Variants in SPIDR observed in about 807,000 individuals in gnomAD.
SPIDR encodes scaffold protein involved in DNA repair, also known as DNA repair-scaffolding protein.
In SPIDR, 93 loss-of-function variants were observed where a neutral mutation model predicts 104.6. The observed-to-expected ratio is 0.89, with a 90% CI of 0.75 to 1.06. SPIDR has a LOEUF of 1.06. SPIDR is among the 50% of genes least tolerant of loss of function. SPIDR has a pLI of 0.00. For synonymous variants in SPIDR, 431 were observed against 416.9 expected (o/e 1.03, Z -0.41); for missense variants, 1,154 against 1,111.2 (o/e 1.04, Z -0.55).
chr8:47,408,091 A>G, intron 7 of SPIDR, 130 bp downstream of exon 7: 1 of 469,076 alleles, frequency 2.1e-6, no homozygotes, highest in Non-Finnish European at 3.8e-6. Flanking sequence ...CCAACATTCT[A>G]ATTTTAACAT....
At chr8:47,318,887 C>T (rs1342236239) in intron 5 of SPIDR, among the ~76,000 whole-genome samples, 1 of 147,186 alleles carries the variant, frequency 6.8e-6, no homozygotes, top group African/African-American at 2.5e-5. Context: ...TACAGATAAG[C>T]AAATGCTGAG....
At chr8:47,703,393 A>G (rs914020690) in intron 14 of SPIDR, among the ~76,000 whole-genome samples, 1 of 152,248 alleles carries the variant, frequency 6.6e-6, no homozygotes, top group African/African-American at 2.4e-5. Context: ...TCATTAAATC[A>G]GTGTTATCAC....
At chr8:47,349,495 T>C (rs2052972705) in intron 5 of SPIDR, among the ~76,000 whole-genome samples, 1 of 152,194 alleles carries the variant, frequency 6.6e-6, no homozygotes, top group African/African-American at 2.4e-5. Context: ...ACCACTGCTT[T>C]CTTCAAAGCT....
intron 5 of SPIDR, among the ~76,000 whole-genome samples, chr8:47,334,463 G>A (rs1466969672): frequency 2.6e-5 from 4 of 152,132 alleles, no homozygotes; most frequent in Non-Finnish European, 4.4e-5. Flanking sequence ...TACATGTAAA[G>A]GATTGTTGTG....
chr8:47,285,430 T>G lies in SPIDR; in HGVS notation c.256+1336T>G, dbSNP rs992453650. Among the ~76,000 whole-genome samples the G allele has an allele frequency of 5.3e-5, 8 of 152,240 alleles. No individual in the cohort carries two copies. In the South Asian group the frequency reaches 8.3e-4, roughly 16 times the overall value. On this transcript the variant is annotated intron_variant, in intron 3 of 19. Coordinates refer to ENST00000297423, the MANE Select transcript of SPIDR (RefSeq NM_001080394.4). Reference sequence around the variant, plus strand: ...TGTTGGCAGAGACAAGCCTCTGACCTTAGGCACACATTACAAAAGCATGTT... The same window carrying G: ...TGTTGGCAGAGACAAGCCTCTGACCGTAGGCACACATTACAAAAGCATGTT...
chr8:47,437,225 C>G (rs1341205680), intron 7 of SPIDR, among the ~76,000 whole-genome samples: 1 of 149,890 alleles, frequency 6.7e-6, no homozygotes, highest in Non-Finnish European at 1.5e-5. Flanking sequence ...GGTATATTTC[C>G]CAATGCTATC....
At chr8:47,732,233 T>C in intron 19 of SPIDR, 1 of 702,310 alleles carries the variant, frequency 1.4e-6, no homozygotes, top group Non-Finnish European at 2.6e-6. Context: ...TCAACTAGAA[T>C]ATTCCCATAG....
At chr8:47,509,045 C>T (rs1454943794) in intron 8 of SPIDR, among the ~76,000 whole-genome samples, 1 of 152,132 alleles carries the variant, frequency 6.6e-6, no homozygotes, top group African/African-American at 2.4e-5. Context: ...TTGAGGCTGT[C>T]GTGCTGGATC....
In SPIDR at chr8:47,700,499, G is replaced by C; in HGVS notation, c.1773+9G>C. ...ACCAGCCCTGTGAAGAGGTAAGCCCGGCACTGGAAAAACTTCCCCAGTCAC... is the reference window on the plus strand; with the variant it reads ...ACCAGCCCTGTGAAGAGGTAAGCCCCGCACTGGAAAAACTTCCCCAGTCAC... On this transcript the variant is annotated intron_variant, in intron 12 of 19. Transcript: ENST00000297423. 1 of 1,614,116 alleles carries C rather than the reference G, an allele frequency of 6.2e-7. No homozygotes were observed. The highest frequency in any genetic ancestry group is 1.1e-5 in the South Asian group (1 of 91,082).
At chr8:47,491,840 C>T (rs782026411) in intron 8 of SPIDR, among the ~76,000 whole-genome samples, 7 of 152,022 alleles carry the variant, frequency 4.6e-5, no homozygotes, top group African/African-American at 7.2e-5. Flanking sequence ...CATAGTGAGA[C>T]CCTGTCTCTT....
intron 8 of SPIDR, among the ~76,000 whole-genome samples, chr8:47,536,160 A>G (rs1001203479): frequency 5.9e-5 from 9 of 152,108 alleles, no homozygotes; most frequent in African/African-American, 2.2e-4. Context: ...GAAGAGCTAA[A>G]CAGGTATTCC....
intron 10 of SPIDR, among the ~76,000 whole-genome samples, chr8:47,669,748 T>C (rs1160854138): frequency 6.6e-6 from 1 of 152,200 alleles, no homozygotes; most frequent in Admixed American, 6.5e-5. Context: ...ACGCCTGTAA[T>C]CCCAGCACTT....
intron 11 of SPIDR, among the ~76,000 whole-genome samples, chr8:47,700,117 T>A (rs2079940375): frequency 6.6e-6 from 1 of 152,200 alleles, no homozygotes; most frequent in Non-Finnish European, 1.5e-5. Flanking sequence ...CAAACATGTT[T>A]CCATGTCCAT....
intron 1 of SPIDR, among the ~76,000 whole-genome samples, chr8:47,270,921 A>G (rs1279009573): frequency 6.6e-5 from 10 of 152,144 alleles, no homozygotes; most frequent in African/African-American, 1.7e-4. Flanking sequence ...TAAGAACAGT[A>G]TTACTATGAT....
chr8:47,337,467 C>T (rs1353903545), intron 5 of SPIDR, among the ~76,000 whole-genome samples: 10 of 151,970 alleles, frequency 6.6e-5, no homozygotes, highest in Non-Finnish European at 2.9e-5. Flanking sequence ...GTCAGAGTTC[C>T]GTATGTATTC....
At chr8:47,544,530 G>A (rs1324710499) in intron 8 of SPIDR, among the ~76,000 whole-genome samples, 1 of 152,194 alleles carries the variant, frequency 6.6e-6, no homozygotes, top group Non-Finnish European at 1.5e-5. Context: ...TAAGGTGTGA[G>A]ACTTAGGTGG....
intron 10 of SPIDR, among the ~76,000 whole-genome samples, chr8:47,670,333 C>T (rs751114377): frequency 7.9e-5 from 12 of 152,072 alleles, no homozygotes; most frequent in Admixed American, 1.3e-4. Flanking sequence ...AACATCAAAA[C>T]GTATACTTTT....
At chr8:47,320,914 CTCTCAATA>C (rs1335706942) in intron 5 of SPIDR, among the ~76,000 whole-genome samples, 1 of 152,146 alleles carries the variant, frequency 6.6e-6, no homozygotes, top group Non-Finnish European at 1.5e-5. Flanking sequence ...ATGCTAAAAA[CTCTCAATA>C]AATTAGGTAT....
At chr8:47,635,351 A>G (rs1022955019) in intron 10 of SPIDR, among the ~76,000 whole-genome samples, 1 of 152,162 alleles carries the variant, frequency 6.6e-6, no homozygotes, top group Admixed American at 6.5e-5. Context: ...AAAAAATAAA[A>G]TAAAATAACT....
Sources: gnomAD v4.1 joint callset for allele counts (sites outside exome capture counted in the v4.1 genomes callset) on GRCh38, gnomAD v4.1.1 for gene constraint, MANE v1.5 for transcripts, NCBI Gene and HGNC (gene_info 2026-07-23, HGNC 2026-07-21) for gene names.